PTPRD: variants seen among roughly 807,000 people sequenced by gnomAD.
PTPRD encodes receptor-type tyrosine-protein phosphatase delta.
Under a neutral mutation model 214.5 loss-of-function variants are expected in PTPRD, and 34 were observed. The observed-to-expected ratio is 0.16, with a 90% CI of 0.12 to 0.21. The LOEUF is 0.21. PTPRD is among the 10% of genes least tolerant of loss of function. The pLI, the probability that PTPRD is intolerant of heterozygous loss-of-function variation, is 1.00. For synonymous variants in PTPRD, 1,128 were observed against 845.7 expected, an observed-to-expected ratio of 1.33 and a Z score of -5.79; for missense variants, 2,545 against 2,398.7, an observed-to-expected ratio of 1.06 and a Z score of -1.27.
chr9:9,662,326 A>AGG (rs1785867764), intron 7 of PTPRD, among the ~76,000 whole-genome samples: 1 of 151,674 alleles, frequency 6.6e-6, no homozygotes, highest in African/African-American at 2.4e-5. Flanking sequence ...TGTATACCTT[A>AGG]GGTAGTTAAC....
At chr9:10,130,595 G>C (rs1308777880) in intron 3 of PTPRD, among the ~76,000 whole-genome samples, 1 of 152,006 alleles carries the variant, frequency 6.6e-6, no homozygotes, top group Non-Finnish European at 1.5e-5. Flanking sequence ...TAAACACAAA[G>C]GTCTGTCTTC....
rs1338244756 is a variant in PTPRD at position 10,329,190 on chromosome 9, TCTTAA to T, written c.-545+11768_-545+11772del. On this transcript the variant is annotated intron_variant, in intron 3 of 45. Transcript: ENST00000381196. ...TATTCCAAAATATTCAATGATAAGG[TCTTAA>T]CTTATCATTGTGCAATTTATATCAT... is the stretch of plus-strand genomic sequence containing the variant. Among the ~76,000 whole-genome samples the T allele has an allele frequency of 3.3e-5, 5 of 151,866 alleles. No homozygotes were observed. In the South Asian group the frequency reaches 6.2e-4, roughly 19 times the overall value.
At chr9:10,471,228 T>A (rs916334201) in intron 2 of PTPRD, among the ~76,000 whole-genome samples, 1 of 152,056 alleles carries the variant, frequency 6.6e-6, no homozygotes, top group Non-Finnish European at 1.5e-5. Context: ...CAAACCACCA[T>A]GGCATGTGTA....
chr9:8,620,856 C>G (rs983856222), intron 14 of PTPRD, among the ~76,000 whole-genome samples: 2 of 151,942 alleles, frequency 1.3e-5, no homozygotes, highest in Non-Finnish European at 2.9e-5. Context: ...ACGTGAGACT[C>G]ACATTCAAGT....
intron 20 of PTPRD, among the ~76,000 whole-genome samples, chr9:8,520,915 C>A (rs2097877783): frequency 6.6e-6 from 1 of 151,814 alleles, no homozygotes; most frequent in African/African-American, 2.4e-5. Flanking sequence ...CTCATATTGA[C>A]TTTTCTTGGG....
intron 10 of PTPRD, among the ~76,000 whole-genome samples, chr9:9,180,428 C>CCT (rs2099927530): frequency 7.9e-6 from 1 of 126,272 alleles, no homozygotes; most frequent in Non-Finnish European, 1.6e-5. Context: ...AGGGGAACAT[C>CCT]ACACAGTGGG....
chr9:8,824,032 G>T (rs1336561262), intron 11 of PTPRD, among the ~76,000 whole-genome samples: 1 of 152,132 alleles, frequency 6.6e-6, no homozygotes, highest in Non-Finnish European at 1.5e-5. Flanking sequence ...GGTGCTGGTG[G>T]GAGTGTAGCA....
chr9:10,565,094 C>T (rs2065197965), intron 2 of PTPRD, among the ~76,000 whole-genome samples: 1 of 151,932 alleles, frequency 6.6e-6, no homozygotes, highest in Admixed American at 6.6e-5. Flanking sequence ...CCTACAGACA[C>T]TGTGATATAC....
chr9:9,680,907 T>G (rs1227824483), intron 7 of PTPRD, among the ~76,000 whole-genome samples: 3 of 151,918 alleles, frequency 2.0e-5, no homozygotes, highest in East Asian at 3.9e-4. Flanking sequence ...TGTGGTACCC[T>G]CTCTTGTTTC....
chr9:8,635,166 A>C (rs1345505872), intron 13 of PTPRD, among the ~76,000 whole-genome samples: 1 of 150,350 alleles, frequency 6.7e-6, no homozygotes, highest in Non-Finnish European at 1.5e-5. Context: ...GGTAAAAATA[A>C]TTCATTTACC....
At chr9:8,991,933 TAA>T (rs1012929674) in intron 11 of PTPRD, among the ~76,000 whole-genome samples, 2 of 152,144 alleles carry the variant, frequency 1.3e-5, no homozygotes, top group African/African-American at 4.8e-5. Flanking sequence ...GTTATTTTTA[TAA>T]GAGACATTTG....
intron 11 of PTPRD, among the ~76,000 whole-genome samples, chr9:8,755,435 A>G (rs548941526): frequency 6.6e-6 from 1 of 150,846 alleles, no homozygotes; most frequent in Non-Finnish European, 1.5e-5. Flanking sequence ...AGGCTGAGGC[A>G]GGAGAATCAC....
chr9:10,608,484 T>A (rs1415913712), intron 2 of PTPRD, among the ~76,000 whole-genome samples: 1 of 152,080 alleles, frequency 6.6e-6, no homozygotes, highest in African/African-American at 2.4e-5. Flanking sequence ...GACAATTTCC[T>A]TAGCCCTCTT....
chr9:8,889,319 G>C (rs1260858725), intron 11 of PTPRD, among the ~76,000 whole-genome samples: 2 of 152,084 alleles, frequency 1.3e-5, no homozygotes, highest in African/African-American at 2.4e-5. Flanking sequence ...TGTATGTCTT[G>C]TTCACCCCTG....
At position 10,233,697 on chromosome 9, in the gene PTPRD, T is replaced by C. The variant is rs186430456; in HGVS notation, c.-545+107266A>G. 2.0e-5 allele frequency among the ~76,000 whole-genome samples: 3 copies of C among 152,064 alleles called. No individual in the cohort carries two copies. In the East Asian group the frequency reaches 5.8e-4, roughly 30 times the overall value. On this transcript the variant is annotated intron_variant, in intron 3 of 45. Coordinates refer to ENST00000381196, the MANE Select transcript of PTPRD (RefSeq NM_002839.4). ...GTTCTGTCAAAAATGTGAAGGAACA[T>C]TGGGAAAGCTTAAGCTAACTTTTCA...
intron 3 of PTPRD, among the ~76,000 whole-genome samples, chr9:10,294,360 G>T (rs191310571): frequency 8.0e-4 from 121 of 151,924 alleles, no homozygotes; most frequent in African/African-American, 2.7e-3. Flanking sequence ...CAAAAAGATG[G>T]GGAAAAGAGT....
At chr9:9,082,374 A>G (rs944215707) in intron 10 of PTPRD, among the ~76,000 whole-genome samples, 32 of 152,122 alleles carry the variant, frequency 2.1e-4, no homozygotes, top group Non-Finnish European at 2.9e-5. Flanking sequence ...CTCAACAGAT[A>G]CAGAAAAGGC....
intron 35 of PTPRD, among the ~76,000 whole-genome samples, chr9:8,409,174 C>G (rs571703452): frequency 6.6e-6 from 1 of 152,264 alleles, no homozygotes; most frequent in South Asian, 2.1e-4. Flanking sequence ...CATACTAACT[C>G]ATTTATCTTC....
intron 7 of PTPRD, among the ~76,000 whole-genome samples, chr9:9,719,617 G>A (rs900218575): frequency 3.9e-5 from 6 of 152,214 alleles, no homozygotes; most frequent in Middle Eastern, 3.4e-3. Flanking sequence ...TAACACAAAC[G>A]GTCTGAAACA....
Sources: allele counts gnomAD v4.1 joint callset (sites outside exome capture counted in the v4.1 genomes callset), GRCh38; gene constraint gnomAD v4.1.1; transcripts MANE v1.5; gene names NCBI Gene and HGNC (gene_info 2026-07-23, HGNC 2026-07-21).